LRRC23: variants seen among roughly 807,000 people sequenced by gnomAD.
LRRC23 encodes leucine rich repeat containing 23.
Under a neutral mutation model 37.7 loss-of-function variants are expected in LRRC23, and 28 were observed. The observed-to-expected ratio is 0.74, with a 90% confidence interval of 0.55 to 1.02. LRRC23 has a LOEUF of 1.02. Ranked by LOEUF, LRRC23 falls within the 50% of genes least tolerant of loss-of-function variation. The pLI is 0.00. For synonymous variants in LRRC23, 161 were observed against 165.4 expected (o/e 0.97, Z 0.20); for missense variants, 377 against 413.2 (o/e 0.91, Z 0.76).
chr12:6,911,504 G>A (rs782092241), intron 6 of LRRC23, among the ~76,000 whole-genome samples: 1 of 127,070 alleles, frequency 7.9e-6, no homozygotes, highest in South Asian at 2.4e-4. Context: ...AGTAAGTCGG[G>A]TGTGTGTGTG....
intron 6 of LRRC23, among the ~76,000 whole-genome samples, chr12:6,911,979 G>A (rs1555140812): frequency 2.6e-5 from 4 of 152,090 alleles, no homozygotes; most frequent in African/African-American, 9.7e-5. Flanking sequence ...CCCCCAACCG[G>A]GGTGACATAG....
chr12:6,908,425 T>C, intron 5 of LRRC23, among the ~76,000 whole-genome samples: 1 of 151,354 alleles, frequency 6.6e-6, no homozygotes, highest in South Asian at 2.1e-4. Flanking sequence ...GGCGAAACTC[T>C]GTCTCTACTA....
At position 6,912,258 on chromosome 12, in the gene LRRC23, C is replaced by T. The variant is rs782124844; in HGVS notation, c.759-472C>T. 8.5e-5 allele frequency among the ~76,000 whole-genome samples: 13 copies of T among 152,256 alleles called. No homozygotes were observed. The East Asian group carries it at 2.5e-3, about 29-fold the overall frequency. ...TCAAACTCCTGGGGTCAAGCAATCC[C>T]TCCTCCTCAGCTAAGTAGCAAGGAC... On this transcript the variant is annotated intron_variant, in intron 6 of 7. Transcript: ENST00000443597.
intron 3 of LRRC23, 82 bp downstream of exon 3, chr12:6,906,036 G>C (rs868926809): frequency 2.6e-5 from 33 of 1,265,664 alleles, no homozygotes; most frequent in African/African-American, 2.3e-4. Context: ...TGGGTGTTCT[G>C]GTTGAGAGTT....
chr12:6,913,563 T>TG (rs1565556428), intron 7 of LRRC23, among the ~76,000 whole-genome samples: 4 of 117,056 alleles, frequency 3.4e-5, no homozygotes, highest in Non-Finnish European at 6.9e-5. Context: ...TTGTTTTTTT[T>TG]TTTTTTTTTT....
intron 5 of LRRC23, 197 bp downstream of exon 5, chr12:6,907,642 T>C (rs1555139870): frequency 6.2e-6 from 4 of 645,396 alleles, no homozygotes; most frequent in African/African-American, 3.6e-5. Flanking sequence ...AATGTGTGGA[T>C]AATACAGAGA....
At position 6,907,333 on chromosome 12, in the gene LRRC23, T is replaced by G; in HGVS notation, c.509T>G (p.Val170Gly). Reference protein sequence around the residue: ...LNLKGNSIHMVTGLDPEKLIS... With the variant: ...LNLKGNSIHMGTGLDPEKLIS... The stretch of plus-strand genomic sequence containing the variant: ...TCCCCAGGGAACAGCATCCACATGG[T>G]GACAGGTCTGGACCCCGAGAAGTTG... Residue 170 changes from valine to glycine, a missense_variant, in exon 5 of 8, where the codon GTG becomes GGG. Transcript: ENST00000443597. 6.2e-7 allele frequency: 1 copy of G among 1,613,958 alleles called. No individual in the cohort carries two copies. The highest frequency in any genetic ancestry group is 8.5e-7 in the Non-Finnish European group (1 of 1,179,978).
In LRRC23 at chr12:6,912,744, C is replaced by T; in HGVS notation, c.773C>T (p.Ala258Val). ...CACACTGGCAGGGGCAACATGGTGG[C>T]CAACCTGGGGGAGCTGGCCAAGCTT... ...QYLNLRGNMV[A>V]NLGELAKLRD... is the part of the protein sequence containing the mutation. The change falls in exon 7 of 8, where the codon GCC becomes GTC. Residue 258 changes from alanine (A) to valine (V), a missense_variant. Coordinates refer to ENST00000443597, the MANE Select transcript of LRRC23 (RefSeq NM_001135217.2). 2 of 1,613,852 alleles carry T rather than the reference C, an allele frequency of 1.2e-6. No homozygotes were observed. The highest frequency in any genetic ancestry group is 2.2e-5 in the South Asian group (2 of 91,066).
chr12:6,910,563 G>C (rs2138161917), intron 6 of LRRC23, among the ~76,000 whole-genome samples: 1 of 152,148 alleles, frequency 6.6e-6, no homozygotes, highest in Non-Finnish European at 1.5e-5. Context: ...ACAAAAATTA[G>C]CCAGGCATGG....
intron 6 of LRRC23, among the ~76,000 whole-genome samples, chr12:6,911,972 C>G (rs1675848260): frequency 6.6e-6 from 1 of 152,104 alleles, no homozygotes; most frequent in Non-Finnish European, 1.5e-5. Flanking sequence ...CACTGCACCC[C>G]CAACCGGGGT....
In LRRC23 at chr12:6,914,032, G is replaced by C. The variant is rs1555141224; in HGVS notation, c.*166G>C. ...TGAGGCCCAGGATCTGCTCTGTGCC[G>C]GTCCTCTGGGCAGTGTGGGGTGCAG... On this transcript the variant is annotated 3_prime_UTR_variant, in exon 8 of 8. Transcript: ENST00000443597. This position sits in a 1 kb window ranked among gnomAD's most constrained non-coding sequence, Gnocchi z 7.1. 1.2e-6 allele frequency: 2 copies of C among 1,610,130 alleles called. No homozygotes were observed. Among genetic ancestry groups the C allele is most frequent in the Middle Eastern group, 1.7e-4 (1 of 5,968 alleles).
Position 6,914,120 on chromosome 12 carries a change from G to T in LRRC23, c.*254G>T. Reference sequence around the variant, plus strand: ...GGCCGGGGGCCGCCCTCGGGCAGGCGTGGGTGAGAGCCAAGACCGCGTGGG... The same window carrying T: ...GGCCGGGGGCCGCCCTCGGGCAGGCTTGGGTGAGAGCCAAGACCGCGTGGG... On this transcript the variant is annotated 3_prime_UTR_variant, in exon 8 of 8. Transcript: ENST00000443597. The surrounding 1 kb of genome is among the most constrained non-coding windows in gnomAD (Gnocchi z 7.1). 2 of 1,498,370 alleles carry T rather than the reference G, an allele frequency of 1.3e-6. No individual in the cohort carries two copies. The highest frequency in any genetic ancestry group is 8.9e-7 in the Non-Finnish European group (1 of 1,125,306). The allele number at this position is 1,498,370 out of a possible 1,614,324, so 92.8% of individuals were successfully genotyped here.
In LRRC23 at chr12:6,907,638, T is replaced by G. The variant is rs1460921892; in HGVS notation, c.621+193T>G. 4 of 652,646 alleles carry G rather than the reference T, an allele frequency of 6.1e-6. No homozygotes were observed. The South Asian group carries it at 6.9e-5, about 11-fold the overall frequency. The allele number at this position is 652,646 out of a possible 1,614,324, so 40.4% of individuals were successfully genotyped here. ...AGCAGGGCTGATAATATATAATGTG[T>G]GGATAATACAGAGATAATTTACCTT... On this transcript the variant is annotated intron_variant, in intron 5 of 7. Coordinates refer to ENST00000443597, the MANE Select transcript of LRRC23 (RefSeq NM_001135217.2).
At chr12:6,907,996 A>G (rs1944990699) in intron 5 of LRRC23, among the ~76,000 whole-genome samples, 1 of 152,158 alleles carries the variant, frequency 6.6e-6, no homozygotes, top group Non-Finnish European at 1.5e-5. Context: ...CTTCTGACAC[A>G]CCAGCTTCAA....
chr12:6,905,930 A>C lies in LRRC23; in HGVS notation c.212A>C (p.Tyr71Ser). The C allele has an allele frequency of 6.2e-7, 1 of 1,613,988 alleles. No homozygotes were observed. The highest frequency in any genetic ancestry group is 1.1e-5 in the South Asian group (1 of 91,078). ...CKTGNGLAHA[Y>S]VKLEVKERDL... ...ACAGGCAATGGGCTGGCTCATGCTT[A>C]TGTCAAGCTGGAGGTTAAAGAGAGG... The change falls in exon 3 of 8, where the codon TAT becomes TCT. Residue 71 changes from tyrosine to serine, a missense_variant. This residue lies in a region of LRRC23 where 106 missense variants were observed against 105.9 expected (regional missense o/e 1.00). Coordinates refer to ENST00000443597, the MANE Select transcript of LRRC23 (RefSeq NM_001135217.2).
chr12:6,909,102 A>ATT (rs1945040890), intron 5 of LRRC23, among the ~76,000 whole-genome samples: 1 of 24,042 alleles, frequency 4.2e-5, no homozygotes, highest in South Asian at 9.3e-4. Context: ...TATTATATAT[A>ATT]ATATATAATT....
At chr12:6,909,689 T>C (rs1393866628) in intron 5 of LRRC23, among the ~76,000 whole-genome samples, 2 of 150,306 alleles carry the variant, frequency 1.3e-5, no homozygotes, top group African/African-American at 4.9e-5. Flanking sequence ...GGTAGAGGGT[T>C]ACTGCTGACC....
At chr12:6,905,553 C>A in intron 1 of LRRC23, 32 bp from the exon 2 acceptor site, 2 of 1,457,138 alleles carry the variant, frequency 1.4e-6, no homozygotes, top group Non-Finnish European at 1.9e-6. Flanking sequence ...GAGCTGAAGG[C>A]TGGCAGAAGC....
intron 6 of LRRC23, among the ~76,000 whole-genome samples, chr12:6,912,354 G>A (rs1345965063): frequency 6.6e-6 from 1 of 152,118 alleles, no homozygotes; most frequent in Non-Finnish European, 1.5e-5. Flanking sequence ...GTCTCGCTAT[G>A]TTGCCCAGGC....
Sources: gnomAD v4.1 joint callset for allele counts (sites outside exome capture counted in the v4.1 genomes callset) on GRCh38, gnomAD v4.1.1 for gene constraint, gnomAD v4.1.1 regional missense constraint, Gnocchi (gnomAD v3.1) non-coding constraint, MANE v1.5 for transcripts, NCBI Gene and HGNC (gene_info 2026-07-23, HGNC 2026-07-21) for gene names.